Variants in SCD5 observed in about 807,000 individuals in gnomAD.
The protein encoded by SCD5 is acyl-CoA-desaturase 4.
SCD5 carries 20 observed loss-of-function variants against 30.4 expected under a neutral mutation model. The ratio of observed to expected loss-of-function variants is 0.66; its 90% CI spans 0.46 to 0.96. SCD5 has a LOEUF of 0.96. SCD5 is among the 40% of genes least tolerant of loss of function. The probability of loss-of-function intolerance (pLI) is 0.00; values close to 1 mark genes in which losing one functional copy is unlikely to be tolerated. For missense variants in SCD5, 381 were observed against 443.3 expected, an observed-to-expected ratio of 0.86 and a Z score of 1.26; for synonymous variants, 173 against 176.4, an observed-to-expected ratio of 0.98 and a Z score of 0.16.
intron 3 of SCD5, among the ~76,000 whole-genome samples, chr4:82,668,746 A>G (rs1728243706): frequency 6.6e-6 from 1 of 152,132 alleles, no homozygotes. Context: ...TACCTGAGTA[A>G]AATAGGCAAT....
chr4:82,771,606 G>A (rs1721624165), intron 1 of SCD5, among the ~76,000 whole-genome samples: 1 of 151,750 alleles, frequency 6.6e-6, no homozygotes, highest in South Asian at 2.1e-4. Flanking sequence ...CACAGTTTGG[G>A]GAGGCTGGGG....
intron 2 of SCD5, among the ~76,000 whole-genome samples, chr4:82,691,487 G>A (rs1401839931): frequency 6.6e-6 from 1 of 152,112 alleles, no homozygotes; most frequent in Non-Finnish European, 1.5e-5. Context: ...GGACAAGCCT[G>A]GTATGAGATG....
chr4:82,748,188 A>G (rs1012830836), intron 1 of SCD5, among the ~76,000 whole-genome samples: 9 of 152,198 alleles, frequency 5.9e-5, no homozygotes, highest in Non-Finnish European at 1.3e-4. Flanking sequence ...TGGGAAGTAG[A>G]ATCTAGACAG....
chr4:82,711,657 G>C (rs1175190230), intron 1 of SCD5, among the ~76,000 whole-genome samples: 1 of 151,878 alleles, frequency 6.6e-6, no homozygotes, highest in East Asian at 1.9e-4. Context: ...AGTGAGCCAG[G>C]ATCTCACCAC....
intron 1 of SCD5, among the ~76,000 whole-genome samples, chr4:82,726,781 G>A (rs1880714): frequency 0.22 from 33,623 of 152,080 alleles, 4,367 homozygotes; most frequent in Middle Eastern, 0.34. Context: ...AGTGTGAGAC[G>A]CGCTGGACTG....
At chr4:82,759,648 T>TAAAAAA (rs70938309) in intron 1 of SCD5, among the ~76,000 whole-genome samples, 6,396 of 125,118 alleles carry the variant, frequency 0.051, 164 homozygotes, top group East Asian at 0.088. Flanking sequence ...AACCCCGTCT[T>TAAAAAA]AAAAAAAAAA....
chr4:82,714,346 GC>G (rs1310759873), intron 1 of SCD5, among the ~76,000 whole-genome samples: 1 of 151,998 alleles, frequency 6.6e-6, no homozygotes, highest in African/African-American at 2.4e-5. Flanking sequence ...CCTCATAGCT[GC>G]CCCCAATCAA....
intron 1 of SCD5, among the ~76,000 whole-genome samples, chr4:82,794,922 A>T (rs1722178505): frequency 6.6e-6 from 1 of 152,198 alleles, no homozygotes; most frequent in Non-Finnish European, 1.5e-5. Flanking sequence ...AACTGCTGGG[A>T]TTATAGGCGT....
intron 3 of SCD5, among the ~76,000 whole-genome samples, chr4:82,665,112 G>A (rs572374906): frequency 2.1e-4 from 30 of 144,576 alleles, no homozygotes; most frequent in East Asian, 2.0e-3. Context: ...GGTGGTATGT[G>A]CCTGTAGTCC....
intron 1 of SCD5, among the ~76,000 whole-genome samples, chr4:82,739,015 T>G (rs1372263638): frequency 6.6e-6 from 1 of 152,192 alleles, no homozygotes; most frequent in African/African-American, 2.4e-5. Flanking sequence ...TGTAGCAAAC[T>G]GTAATTTTTT....
At chr4:82,784,202 C>T (rs1373565043) in intron 1 of SCD5, among the ~76,000 whole-genome samples, 4 of 152,148 alleles carry the variant, frequency 2.6e-5, no homozygotes, top group Non-Finnish European at 5.9e-5. Flanking sequence ...GCATGTGAGG[C>T]AGCGGTAACA....
At position 82,680,713 on chromosome 4, in the gene SCD5, T is replaced by A; in HGVS notation, c.563A>T (p.Gln188Leu). 1.2e-6 allele frequency: 2 copies of A among 1,614,146 alleles called. No individual in the cohort carries two copies. The highest frequency in any genetic ancestry group is 1.7e-6 in the Non-Finnish European group (2 of 1,180,026). ...DLLADPVVRI[Q>L]RKYYKISVVL... ...GTCATGCCCATTCACTTACTTTCTC[T>A]GGATCCGGACCACAGGATCAGCAAG... The change falls in exon 3 of 5, where the codon CAG becomes CTG. Residue 188 changes from glutamine to leucine, a missense_variant. Physicochemically the swap from Gln to Leu is moderately radical, Grantham distance 113. Transcript: ENST00000319540.
intron 1 of SCD5, among the ~76,000 whole-genome samples, chr4:82,745,138 T>G (rs545863047): frequency 1.3e-5 from 2 of 152,252 alleles, no homozygotes; most frequent in Non-Finnish European, 2.9e-5. Context: ...ACAAAAGATG[T>G]CACAGGGTGG....
intron 2 of SCD5, among the ~76,000 whole-genome samples, chr4:82,698,637 C>T (rs993146657): frequency 6.6e-6 from 1 of 152,184 alleles, no homozygotes; most frequent in Non-Finnish European, 1.5e-5. Flanking sequence ...TGGCCTTGCA[C>T]TCACATGGAC....
chr4:82,690,776 T>C (rs1728816029), intron 2 of SCD5, among the ~76,000 whole-genome samples: 1 of 152,250 alleles, frequency 6.6e-6, no homozygotes, highest in African/African-American at 2.4e-5. Context: ...TCCCATATTT[T>C]ATCCTTTAAT....
At chr4:82,632,948 TA>T (rs1376977920) in intron 4 of SCD5, among the ~76,000 whole-genome samples, 2 of 152,236 alleles carry the variant, frequency 1.3e-5, no homozygotes, top group African/African-American at 4.8e-5. Context: ...TAAATTGAGC[TA>T]AGTGACATGT....
Position 82,756,430 on chromosome 4 carries a change from A to AT in SCD5, c.232+41875dup, listed in dbSNP as rs1721235475. The stretch of plus-strand genomic sequence containing the variant: ...TCTCTATGCCTCAACTTTCTTATCT[A>AT]TAAAACCTCTTTAGGCTGGGCAAGG... On this transcript the variant is annotated intron_variant, in intron 1 of 4. Transcript: ENST00000319540. 2.6e-5 allele frequency among the ~76,000 whole-genome samples: 4 copies of AT among 152,172 alleles called. No individual in the cohort carries two copies. In the South Asian group the frequency reaches 6.2e-4, roughly 24 times the overall value.
At chr4:82,728,290 A>T (rs1720549450) in intron 1 of SCD5, among the ~76,000 whole-genome samples, 2 of 152,164 alleles carry the variant, frequency 1.3e-5, no homozygotes, top group South Asian at 4.1e-4. Context: ...AGGCCAAGCT[A>T]AGTTTGGGAG....
chr4:82,783,266 G>A (rs1352303147), intron 1 of SCD5, among the ~76,000 whole-genome samples: 2 of 152,116 alleles, frequency 1.3e-5, no homozygotes, highest in South Asian at 2.1e-4. Context: ...AGAGTTAGTA[G>A]GAAAAAGGTT....
Sources: gnomAD v4.1 joint callset for allele counts (sites outside exome capture counted in the v4.1 genomes callset) on GRCh38, gnomAD v4.1.1 for gene constraint, MANE v1.5 for transcripts, NCBI Gene and HGNC (gene_info 2026-07-23, HGNC 2026-07-21) for gene names.